The following MAP7D2 variants were observed in gnomAD, a reference collection of about 807,000 sequenced individuals.
The protein encoded by MAP7D2 is MAP7 domain containing 2, also known as MAP7 domain-containing protein 2.
In MAP7D2, 33 loss-of-function variants were observed where a neutral mutation model predicts 63.5. That is an observed-to-expected ratio of 0.52 (90% CI 0.39 to 0.70). The LOEUF is 0.70. Ranked by LOEUF, MAP7D2 falls within the 30% of genes least tolerant of loss-of-function variation. The pLI, the probability that MAP7D2 is intolerant of heterozygous loss-of-function variation, is 0.00. For missense variants in MAP7D2, 626 were observed against 604.0 expected (o/e 1.04, Z -0.38); for synonymous variants, 224 against 223.7 (o/e 1.00, Z -0.01).
chrX:20,045,300 G>A (rs1056437453), intron 6 of MAP7D2, among the ~76,000 whole-genome samples: 10 of 110,168 alleles, frequency 9.1e-5, no homozygotes, highest in African/African-American at 3.0e-4. Flanking sequence ...GCCGGGCATG[G>A]TGGCTCACCT....
intron 10 of MAP7D2, among the ~76,000 whole-genome samples, chrX:20,017,764 A>C (rs2073456953): frequency 9.0e-6 from 1 of 111,576 alleles, no homozygotes; most frequent in African/African-American, 3.3e-5. Flanking sequence ...ACACAGGATT[A>C]TCCAAAATGG....
chrX:20,094,546 A>ATATATATATATATATATATATATATG (rs2066189640), intron 1 of MAP7D2, among the ~76,000 whole-genome samples: 3 of 8,514 alleles, frequency 3.5e-4, no homozygotes, highest in African/African-American at 4.6e-4. Context: ...ATATATGTAT[A>ATATATATATATATATATATATATATG]TATATATATA....
intron 8 of MAP7D2, among the ~76,000 whole-genome samples, chrX:20,037,769 A>C (rs2064537174): frequency 8.9e-6 from 1 of 111,871 alleles, no homozygotes; most frequent in South Asian, 3.7e-4. Flanking sequence ...GGGAAGAGAT[A>C]TGTGGATGGA....
chrX:20,063,946 A>G (rs111248529), intron 2 of MAP7D2, among the ~76,000 whole-genome samples: 3,083 of 112,635 alleles, frequency 0.027, 107 homozygotes, highest in African/African-American at 0.094. Flanking sequence ...TGGCTAAACT[A>G]TATGCTAGGT....
intron 1 of MAP7D2, among the ~76,000 whole-genome samples, chrX:20,102,827 G>T (rs1431710652): frequency 9.1e-6 from 1 of 110,242 alleles, no homozygotes; most frequent in South Asian, 3.9e-4. Flanking sequence ...CTAATGAGAA[G>T]GGTAGATAGC....
chrX:20,107,148 C>T (rs2148556438), intron 1 of MAP7D2, among the ~76,000 whole-genome samples: 1 of 111,394 alleles, frequency 9.0e-6, no homozygotes, highest in South Asian at 3.8e-4. Flanking sequence ...AGAAGGAATG[C>T]TCATCCTTGG....
chrX:20,063,907 G>C (rs1378963193), intron 2 of MAP7D2, among the ~76,000 whole-genome samples: 1 of 112,400 alleles, frequency 8.9e-6, no homozygotes, highest in Admixed American at 9.4e-5. Flanking sequence ...TGACTATGAC[G>C]GCTGTCATTA....
intron 1 of MAP7D2, among the ~76,000 whole-genome samples, chrX:20,087,218 G>A (rs776478614): frequency 8.9e-6 from 1 of 112,312 alleles, no homozygotes; most frequent in Non-Finnish European, 1.9e-5. Context: ...CTGGATAACT[G>A]ACGTTGACAT....
intron 1 of MAP7D2, among the ~76,000 whole-genome samples, chrX:20,092,444 C>A (rs889017242): frequency 9.0e-6 from 1 of 111,362 alleles, no homozygotes; most frequent in Non-Finnish European, 1.9e-5. Flanking sequence ...TTATTTTTTT[C>A]TTCCCCTCCT....
chrX:20,071,784 GTTTGT>G (rs764960642), intron 1 of MAP7D2, among the ~76,000 whole-genome samples: 9 of 112,092 alleles, frequency 8.0e-5, no homozygotes, highest in East Asian at 2.8e-4. Context: ...GTCTAGGTCT[GTTTGT>G]TTTGTTTTGT....
rs774612120 is a variant in MAP7D2 at position 20,077,002 on chromosome X, G to A, written c.131-12197C>T. 5.3e-5 allele frequency among the ~76,000 whole-genome samples: 6 copies of A among 112,852 alleles called. No homozygotes were observed. In the South Asian group the frequency reaches 1.1e-3, roughly 20 times the overall value. On this transcript the variant is annotated intron_variant, in intron 1 of 16. Coordinates refer to ENST00000379643, the MANE Select transcript of MAP7D2 (RefSeq NM_001168465.2). ...TTCCCCACCAAATGTAGAATTGGGC[G>A]AAGCCCAAACAATACAAAGTGCATA...
At chrX:20,046,935 A>G (rs556499755) in intron 6 of MAP7D2, among the ~76,000 whole-genome samples, 4 of 112,977 alleles carry the variant, frequency 3.5e-5, no homozygotes, top group Non-Finnish European at 3.8e-5. Context: ...TCTGTTTTCC[A>G]TAACTGCTCC....
At chrX:20,026,604 G>C (rs2073851558) in intron 8 of MAP7D2, among the ~76,000 whole-genome samples, 2 of 112,197 alleles carry the variant, frequency 1.8e-5, no homozygotes, top group South Asian at 7.4e-4. Context: ...ATGGGGATGG[G>C]GGGTGTTTTT....
chrX:20,012,301 A>T, intron 15 of MAP7D2, 48 bp downstream of exon 15: 1 of 953,776 alleles, frequency 1.0e-6, no homozygotes, highest in Non-Finnish European at 1.4e-6. Context: ...AAGAAAGGGT[A>T]GTGTTTCGAG....
At chrX:20,092,489 C>T (rs1285918959) in intron 1 of MAP7D2, among the ~76,000 whole-genome samples, 2 of 111,768 alleles carry the variant, frequency 1.8e-5, no homozygotes, top group African/African-American at 3.3e-5. Flanking sequence ...CCTGAAAGAC[C>T]CGTTCACAAG....
chrX:20,059,588 G>GGA (rs1870353779), intron 3 of MAP7D2, among the ~76,000 whole-genome samples: 3 of 70,307 alleles, frequency 4.3e-5, no homozygotes, highest in Non-Finnish European at 7.5e-5. Context: ...TAGTGGAAGG[G>GGA]TGGAAGGAAG....
intron 3 of MAP7D2, among the ~76,000 whole-genome samples, chrX:20,059,823 C>A (rs998205000): frequency 9.0e-6 from 1 of 111,293 alleles, no homozygotes; most frequent in African/African-American, 3.3e-5. Context: ...GAGCCTCACA[C>A]TTGATGCCTT....
chrX:20,059,747 A>G (rs1037155988), intron 3 of MAP7D2, among the ~76,000 whole-genome samples: 1 of 109,341 alleles, frequency 9.1e-6, no homozygotes, highest in African/African-American at 3.3e-5. Context: ...GAAGGAAGGA[A>G]AGAGAGGAAG....
At chrX:20,068,293 C>G (rs1483428190) in intron 1 of MAP7D2, among the ~76,000 whole-genome samples, 1 of 111,982 alleles carries the variant, frequency 8.9e-6, no homozygotes, top group Non-Finnish European at 1.9e-5. Flanking sequence ...CTGGCGGTTA[C>G]CACCCTGCAG....
Sources: gnomAD v4.1 joint callset for allele counts (sites outside exome capture counted in the v4.1 genomes callset) on GRCh38, gnomAD v4.1.1 for gene constraint, MANE v1.5 for transcripts, NCBI Gene and HGNC (gene_info 2026-07-23, HGNC 2026-07-21) for gene names.